SLC9C1: variants seen among roughly 807,000 people sequenced by gnomAD.
The protein encoded by SLC9C1 is solute carrier family 9 member C1.
SLC9C1 carries 97 observed loss-of-function variants against 140.9 expected under a neutral mutation model. That is an observed-to-expected ratio of 0.69 (90% CI 0.58 to 0.82). SLC9C1 has a LOEUF of 0.82. SLC9C1 is among the 40% of genes least tolerant of loss of function. The pLI is 0.00. For missense variants in SLC9C1, 1,340 were observed against 1,389.3 expected (o/e 0.96, Z 0.56); for synonymous variants, 440 against 442.6 (o/e 0.99, Z 0.07).
At chr3:112,247,524 C>T (rs2079321402) in intron 10 of SLC9C1, among the ~76,000 whole-genome samples, 1 of 152,136 alleles carries the variant, frequency 6.6e-6, no homozygotes, top group African/African-American at 2.4e-5. Context: ...AAAGACAACC[C>T]ATAGGGGAGT....
chr3:112,211,295 G>T (rs1044017189), intron 15 of SLC9C1, among the ~76,000 whole-genome samples: 1 of 152,222 alleles, frequency 6.6e-6, no homozygotes, highest in Non-Finnish European at 1.5e-5. Flanking sequence ...ACAGAAGACA[G>T]GTGATTTCTG....
intron 10 of SLC9C1, among the ~76,000 whole-genome samples, chr3:112,256,359 C>T (rs965821636): frequency 1.3e-5 from 2 of 152,224 alleles, no homozygotes; most frequent in South Asian, 2.1e-4. Flanking sequence ...TCCAGCAGCA[C>T]ATGGAAAAGC....
chr3:112,226,551 A>G (rs1479908352), intron 13 of SLC9C1, among the ~76,000 whole-genome samples: 1 of 151,814 alleles, frequency 6.6e-6, no homozygotes, highest in Admixed American at 6.6e-5. Context: ...GTGAAACCCC[A>G]TATCTACTAA....
rs563902180 is a variant in SLC9C1, at chr3:112,177,413, C to T, written c.2919+2118G>A. Among the ~76,000 whole-genome samples, 10 of 151,996 alleles carry T rather than the reference C, an allele frequency of 6.6e-5. No individual in the cohort carries two copies. In the South Asian group the frequency reaches 2.1e-3, roughly 32 times the overall value. On this transcript the variant is annotated intron_variant, in intron 23 of 28. Coordinates refer to ENST00000305815, the MANE Select transcript of SLC9C1 (RefSeq NM_183061.3). ...TCAACCAAGGACTTGTAGAGAACCA[C>T]CACACAGGCTACTTGGGTCTTTCTC... is the stretch of plus-strand genomic sequence containing the variant.
At chr3:112,143,082 T>C (rs2074679148) in intron 28 of SLC9C1, among the ~76,000 whole-genome samples, 1 of 152,204 alleles carries the variant, frequency 6.6e-6, no homozygotes, top group African/African-American at 2.4e-5. Context: ...TTTTTATGGC[T>C]GTATAGTATT....
intron 13 of SLC9C1, among the ~76,000 whole-genome samples, chr3:112,226,320 A>G (rs1197002011): frequency 1.3e-5 from 2 of 152,218 alleles, no homozygotes; most frequent in Non-Finnish European, 2.9e-5. Context: ...TAAGAAGGTA[A>G]TTCTTTATTT....
At chr3:112,240,144 T>C (rs2079102208) in intron 11 of SLC9C1, 138 bp from the exon 12 acceptor site, 1 of 785,740 alleles carries the variant, frequency 1.3e-6, no homozygotes, top group African/African-American at 1.7e-5. Flanking sequence ...ATAATGGGAA[T>C]ACTAAAGAGT....
chr3:112,288,361 C>A (rs952839362), intron 1 of SLC9C1, among the ~76,000 whole-genome samples: 7 of 152,006 alleles, frequency 4.6e-5, no homozygotes, highest in Admixed American at 1.3e-4. Context: ...CATCCTTTTA[C>A]GATTAAATTT....
intron 28 of SLC9C1, among the ~76,000 whole-genome samples, chr3:112,143,070 C>G (rs958336975): frequency 7.2e-4 from 109 of 152,094 alleles, no homozygotes; most frequent in African/African-American, 2.6e-3. Flanking sequence ...GGATTTGGGT[C>G]TTTTTTATGG....
At chr3:112,157,618 C>G (rs1406791198) in intron 26 of SLC9C1, among the ~76,000 whole-genome samples, 1 of 151,868 alleles carries the variant, frequency 6.6e-6, no homozygotes, top group Non-Finnish European at 1.5e-5. Context: ...GTAGTATAGA[C>G]CACTTTAACA....
At chr3:112,169,457 A>G in intron 23 of SLC9C1, 129 bp from the exon 24 acceptor site, 1 of 865,556 alleles carries the variant, frequency 1.2e-6, no homozygotes, top group Non-Finnish European at 1.6e-6. Flanking sequence ...ATAGCATGGA[A>G]ACTTAGTAAA....
chr3:112,154,282 A>G (rs1049822959), intron 27 of SLC9C1, among the ~76,000 whole-genome samples: 3 of 152,202 alleles, frequency 2.0e-5, no homozygotes, highest in African/African-American at 7.2e-5. Flanking sequence ...AAAACTAAAA[A>G]TGAACTCTCC....
chr3:112,177,619 A>G (rs2107944983), intron 23 of SLC9C1, among the ~76,000 whole-genome samples: 1 of 149,390 alleles, frequency 6.7e-6, no homozygotes, highest in South Asian at 2.2e-4. Flanking sequence ...TTACCTTGTG[A>G]GTTTCTCATC....
intron 16 of SLC9C1, among the ~76,000 whole-genome samples, chr3:112,206,229 C>G (rs986437622): frequency 6.6e-6 from 1 of 151,408 alleles, no homozygotes; most frequent in Non-Finnish European, 1.5e-5. Flanking sequence ...ATTTATGCAG[C>G]CAATAGATGC....
intron 14 of SLC9C1, among the ~76,000 whole-genome samples, chr3:112,220,323 G>T (rs2078505324): frequency 6.6e-6 from 1 of 152,064 alleles, no homozygotes; most frequent in African/African-American, 2.4e-5. Flanking sequence ...TTATCCTTCA[G>T]TGTACCACAA....
chr3:112,191,091 A>G (rs1346840763), intron 20 of SLC9C1, among the ~76,000 whole-genome samples: 2 of 152,234 alleles, frequency 1.3e-5, no homozygotes, highest in African/African-American at 4.8e-5. Context: ...ACTAAATTCA[A>G]TTATCAATTC....
intron 5 of SLC9C1, 100 bp downstream of exon 5, chr3:112,277,595 T>C: frequency 9.3e-7 from 1 of 1,069,634 alleles, no homozygotes; most frequent in Non-Finnish European, 1.3e-6. Context: ...ACTACCTGAC[T>C]TCTCACAGTG....
intron 2 of SLC9C1, among the ~76,000 whole-genome samples, chr3:112,286,485 T>G (rs1206517958): frequency 6.6e-6 from 1 of 152,216 alleles, no homozygotes; most frequent in Non-Finnish European, 1.5e-5. Flanking sequence ...AATGAACACT[T>G]TGAACCCAAT....
intron 10 of SLC9C1, among the ~76,000 whole-genome samples, chr3:112,247,989 T>A (rs921595521): frequency 6.6e-6 from 1 of 152,014 alleles, no homozygotes; most frequent in Non-Finnish European, 1.5e-5. Context: ...AAATAGAATA[T>A]GAAGAAGTAA....
Sources: gnomAD v4.1 joint callset for allele counts (sites outside exome capture counted in the v4.1 genomes callset) on GRCh38, gnomAD v4.1.1 for gene constraint, MANE v1.5 for transcripts, NCBI Gene and HGNC (gene_info 2026-07-23, HGNC 2026-07-21) for gene names.